The following N4BP1 variants were observed in gnomAD, a reference collection of about 807,000 sequenced individuals.
The protein encoded by N4BP1 is NEDD4 binding protein 1.
Under a neutral mutation model 70.9 loss-of-function variants are expected in N4BP1, and 21 were observed. That is an observed-to-expected ratio of 0.30 (90% CI 0.21 to 0.43). The LOEUF is 0.43. Ranked by LOEUF, N4BP1 falls within the 20% of genes least tolerant of loss-of-function variation. N4BP1 has a pLI of 1.00. For synonymous variants in N4BP1, 387 were observed against 394.6 expected, an observed-to-expected ratio of 0.98 and a Z score of 0.23; for missense variants, 936 against 1,069.4, an observed-to-expected ratio of 0.88 and a Z score of 1.74.
chr16:48,561,178 T>G lies in N4BP1; in HGVS notation c.1465A>C (p.Thr489Pro). The G allele has an allele frequency of 6.2e-7, 1 of 1,614,006 alleles. No homozygotes were observed. The highest frequency in any genetic ancestry group is 8.5e-7 in the Non-Finnish European group (1 of 1,179,894). Residue 489 changes from threonine (T) to proline (P), a missense_variant, in exon 2 of 7, where the codon ACT becomes CCT. By Grantham distance (38) the Thr-to-Pro change is conservative. This residue lies in a region of N4BP1 where 515 missense variants were observed against 491.7 expected (regional missense o/e 1.05). Transcript: ENST00000262384. ...GCAACAGAAGGTGAAAGGCCATCAGTTTCAGGGTCTGTGTTACAAATGTAG... is the reference window on the plus strand; with the variant it reads ...GCAACAGAAGGTGAAAGGCCATCAGGTTCAGGGTCTGTGTTACAAATGTAG... Reference protein sequence around the residue: ...QNYICNTDPETDGLSPSVASP... With the variant: ...QNYICNTDPEPDGLSPSVASP...
chr16:48,547,928 C>CA, intron 5 of N4BP1, 79 bp downstream of exon 5: 1 of 968,930 alleles, frequency 1.0e-6, no homozygotes, highest in Non-Finnish European at 1.6e-6. Context: ...ATATAGAAAA[C>CA]AAAACGAACA....
intron 1 of N4BP1, among the ~76,000 whole-genome samples, chr16:48,591,530 GATA>G (rs1392391298): frequency 1.3e-5 from 2 of 151,396 alleles, no homozygotes; most frequent in African/African-American, 4.9e-5. Flanking sequence ...GCTAGAGTCT[GATA>G]ATAAGAGATT....
In N4BP1 at chr16:48,561,068, A is replaced by C; in HGVS notation, c.1575T>G (p.Gly525=). 6.2e-7 allele frequency: 1 copy of C among 1,613,966 alleles called. No individual in the cohort carries two copies. The highest frequency in any genetic ancestry group is 8.5e-7 in the Non-Finnish European group (1 of 1,179,862). The change falls in exon 2 of 7, where the codon GGT becomes GGG. Residue 525 remains glycine (G), a synonymous_variant. Coordinates refer to ENST00000262384, the MANE Select transcript of N4BP1 (RefSeq NM_153029.4). ...QPRVPLFPEN[G]LHQQPEPLLP... ...GCAAGGGTTCTGGCTGCTGGTGTAA[A>C]CCATTTTCAGGAAAAAGTGGAACTC... is the stretch of plus-strand genomic sequence containing the variant.
intron 5 of N4BP1, among the ~76,000 whole-genome samples, chr16:48,546,912 A>G (rs1251342765): frequency 6.6e-6 from 1 of 152,232 alleles, no homozygotes; most frequent in African/African-American, 2.4e-5. Flanking sequence ...GTGTCAATAA[A>G]TACTGACAAT....
At chr16:48,582,068 A>G (rs1410586129) in intron 1 of N4BP1, among the ~76,000 whole-genome samples, 2 of 152,210 alleles carry the variant, frequency 1.3e-5, no homozygotes, top group African/African-American at 4.8e-5. Flanking sequence ...TTAATATCCA[A>G]AAATATAAAA....
At chr16:48,599,478 C>A (rs1397337870) in intron 1 of N4BP1, among the ~76,000 whole-genome samples, 1 of 152,188 alleles carries the variant, frequency 6.6e-6, no homozygotes, top group Non-Finnish European at 1.5e-5. Context: ...AGGACATTCA[C>A]CAGTTTTGTA....
chr16:48,561,980 T>C lies in N4BP1; in HGVS notation c.663A>G (p.Thr221=). The C allele has an allele frequency of 6.2e-7, 1 of 1,613,946 alleles. No homozygotes were observed. Among genetic ancestry groups the C allele is most frequent in the South Asian group, 1.1e-5 (1 of 91,082 alleles). The change falls in exon 2 of 7, where the codon ACA becomes ACG. Residue 221 remains threonine, a synonymous_variant. Coordinates refer to ENST00000262384, the MANE Select transcript of N4BP1 (RefSeq NM_153029.4). ...TTTCATCTCTAGAAATATTCAGCCC[T>C]GTGGCAGCATTCTGTGTAAACTCTG... The part of the protein sequence containing the change: ...QQTEFTQNAA[T]GLNISRDETV...
At chr16:48,544,392 G>C (rs1380397999) in intron 6 of N4BP1, among the ~76,000 whole-genome samples, 1 of 152,166 alleles carries the variant, frequency 6.6e-6, no homozygotes, top group African/African-American at 2.4e-5. Flanking sequence ...AGATCAGCTG[G>C]AAAGTGTGAC....
At chr16:48,601,709 G>GT (rs769489196) in intron 1 of N4BP1, among the ~76,000 whole-genome samples, 797 of 57,124 alleles carry the variant, frequency 0.014, 5 homozygotes, top group African/African-American at 0.081. Context: ...GGTTTTTTGT[G>GT]GTTTTTTTTG....
chr16:48,571,983 G>A (rs1270224657), intron 1 of N4BP1, among the ~76,000 whole-genome samples: 1 of 152,110 alleles, frequency 6.6e-6, no homozygotes, highest in Admixed American at 6.5e-5. Flanking sequence ...TGGATCACTT[G>A]AGGCCAGGAG....
At chr16:48,600,535 A>G in intron 1 of N4BP1, 1 of 586,874 alleles carries the variant, frequency 1.7e-6, no homozygotes, top group Non-Finnish European at 3.3e-6. Flanking sequence ...AGGATATCAA[A>G]CAGGTCAAGC....
At chr16:48,605,968 A>G (rs1157874823) in intron 1 of N4BP1, among the ~76,000 whole-genome samples, 1 of 152,192 alleles carries the variant, frequency 6.6e-6, no homozygotes, top group Non-Finnish European at 1.5e-5. Flanking sequence ...CGGCTGGCAG[A>G]GCAACCCTTC....
chr16:48,594,002 A>C (rs1233294161), intron 1 of N4BP1, among the ~76,000 whole-genome samples: 2 of 122,546 alleles, frequency 1.6e-5, no homozygotes, highest in Non-Finnish European at 3.2e-5. Context: ...ACTCCGTCTC[A>C]AAAAAAAAAA....
chr16:48,548,450 G>A (rs1356165974), intron 4 of N4BP1, among the ~76,000 whole-genome samples: 1 of 152,236 alleles, frequency 6.6e-6, no homozygotes, highest in Non-Finnish European at 1.5e-5. Context: ...TGACAAGCCT[G>A]TGAAATCATT....
chr16:48,591,236 T>C (rs946876537), intron 1 of N4BP1, among the ~76,000 whole-genome samples: 1 of 152,216 alleles, frequency 6.6e-6, no homozygotes, highest in African/African-American at 2.4e-5. Flanking sequence ...GGTTGAATTC[T>C]TGGCTTCGGA....
chr16:48,569,972 A>AC (rs932395877), intron 1 of N4BP1, among the ~76,000 whole-genome samples: 31 of 152,030 alleles, frequency 2.0e-4, no homozygotes, highest in Admixed American at 1.8e-3. Context: ...CTTTTAATTA[A>AC]CCCACTGCCT....
chr16:48,608,344 G>A (rs1964617123), intron 1 of N4BP1, among the ~76,000 whole-genome samples: 2 of 152,146 alleles, frequency 1.3e-5, no homozygotes, highest in South Asian at 4.1e-4. Flanking sequence ...ACACAGCTGA[G>A]TGCCCCGTCT....
intron 1 of N4BP1, among the ~76,000 whole-genome samples, chr16:48,581,012 C>T (rs1567439117): frequency 6.6e-6 from 1 of 152,100 alleles, no homozygotes; most frequent in Admixed American, 6.5e-5. Flanking sequence ...TGGAACCAAT[C>T]ACCCACAAAT....
At chr16:48,602,796 AAAATAAAT>A (rs142256457) in intron 1 of N4BP1, among the ~76,000 whole-genome samples, 44,276 of 146,622 alleles carry the variant, frequency 0.3, 8,716 homozygotes, top group African/African-American at 0.56. Context: ...ATAAAAAATA[AAAATAAAT>A]AAATAAATAA....
Sources: allele counts gnomAD v4.1 joint callset (sites outside exome capture counted in the v4.1 genomes callset), GRCh38; gene constraint gnomAD v4.1.1; regional missense constraint gnomAD v4.1.1; transcripts MANE v1.5; gene names NCBI Gene and HGNC (gene_info 2026-07-23, HGNC 2026-07-21).